The following CADPS2 variants were observed in gnomAD, a reference collection of about 807,000 sequenced individuals.
The protein encoded by CADPS2 is calcium dependent secretion activator 2, also known as calcium-dependent secretion activator 2.
Under a neutral mutation model 172.5 loss-of-function variants are expected in CADPS2, and 93 were observed. That is an observed-to-expected ratio of 0.54 (90% CI 0.46 to 0.64). The LOEUF is 0.64. CADPS2 is among the 30% of genes least tolerant of loss of function. The pLI, the probability that CADPS2 is intolerant of heterozygous loss-of-function variation, is 0.00. For missense variants in CADPS2, 1,420 were observed against 1,565.9 expected, an observed-to-expected ratio of 0.91 and a Z score of 1.57; for synonymous variants, 546 against 555.2, an observed-to-expected ratio of 0.98 and a Z score of 0.23.
chr7:122,582,017 C>T (rs1173513226), intron 6 of CADPS2, among the ~76,000 whole-genome samples: 1 of 152,066 alleles, frequency 6.6e-6, no homozygotes, highest in African/African-American at 2.4e-5. Flanking sequence ...AACTGGCACA[C>T]ACCTGATATT....
At chr7:122,847,278 G>A (rs1812248270) in intron 1 of CADPS2, among the ~76,000 whole-genome samples, 1 of 152,170 alleles carries the variant, frequency 6.6e-6, no homozygotes, top group Admixed American at 6.5e-5. Flanking sequence ...CTAGAGACAG[G>A]GTTTTGCCAT....
intron 25 of CADPS2, among the ~76,000 whole-genome samples, chr7:122,370,497 C>T (rs1167440853): frequency 6.6e-6 from 1 of 152,186 alleles, no homozygotes; most frequent in African/African-American, 2.4e-5. Context: ...TGCCAGAGCA[C>T]ATTCCTTTAG....
intron 11 of CADPS2, among the ~76,000 whole-genome samples, chr7:122,488,435 T>C (rs755866070): frequency 1.3e-5 from 2 of 152,214 alleles, no homozygotes; most frequent in Non-Finnish European, 2.9e-5. Context: ...ACCCAACAAG[T>C]TACTATGTAC....
intron 1 of CADPS2, among the ~76,000 whole-genome samples, chr7:122,737,827 C>G (rs944264940): frequency 1.3e-5 from 2 of 152,002 alleles, no homozygotes; most frequent in Non-Finnish European, 2.9e-5. Flanking sequence ...GGAGGGATGC[C>G]TTGGACAAGA....
intron 2 of CADPS2, among the ~76,000 whole-genome samples, chr7:122,708,942 G>C (rs1008902813): frequency 5.3e-5 from 8 of 151,918 alleles, no homozygotes; most frequent in Non-Finnish European, 8.8e-5. Flanking sequence ...TTTGGCCGTA[G>C]TATAATTATT....
At chr7:122,627,033 C>G (rs1245808073) in intron 4 of CADPS2, among the ~76,000 whole-genome samples, 3 of 152,032 alleles carry the variant, frequency 2.0e-5, no homozygotes. Context: ...TGAATGCCAA[C>G]TAATAGCTGT....
At chr7:122,575,253 C>T (rs1467127130) in intron 7 of CADPS2, among the ~76,000 whole-genome samples, 1 of 151,592 alleles carries the variant, frequency 6.6e-6, no homozygotes, top group Non-Finnish European at 1.5e-5. Context: ...AATGTATGAT[C>T]CTGGATTCTA....
At chr7:122,467,910 G>C (rs2055375722) in intron 14 of CADPS2, among the ~76,000 whole-genome samples, 1 of 152,136 alleles carries the variant, frequency 6.6e-6, no homozygotes, top group East Asian at 1.9e-4. Context: ...CTATCATCCT[G>C]CATGAGTGGG....
chr7:122,637,171 C>CTTTTTTTTTTT (rs71161313), intron 3 of CADPS2, among the ~76,000 whole-genome samples: 1 of 53,900 alleles, frequency 1.9e-5, no homozygotes, highest in African/African-American at 7.3e-5. Flanking sequence ...TGAAATTTTG[C>CTTTTTTTTTTT]TTTTTTTTTT....
intron 17 of CADPS2, among the ~76,000 whole-genome samples, chr7:122,430,342 T>C (rs1219811603): frequency 2.0e-5 from 3 of 152,220 alleles, no homozygotes; most frequent in African/African-American, 7.2e-5. Context: ...CACAATATGC[T>C]ATATAATTTT....
At chr7:122,386,948 A>G (rs752801002) in intron 24 of CADPS2, 78 bp downstream of exon 24, 50 of 1,436,994 alleles carry the variant, frequency 3.5e-5, no homozygotes, top group Non-Finnish European at 4.6e-5. Context: ...TCCAATCAAG[A>G]GAATGCCTTG....
chr7:122,625,783 C>CCACA (rs373750217), intron 4 of CADPS2, among the ~76,000 whole-genome samples: 7 of 151,472 alleles, frequency 4.6e-5, no homozygotes, highest in African/African-American at 1.7e-4. Context: ...CCCTGCCCTC[C>CCACA]CACACACACA....
chr7:122,729,608 T>G (rs549941778), intron 2 of CADPS2, among the ~76,000 whole-genome samples: 1 of 151,508 alleles, frequency 6.6e-6, no homozygotes, highest in African/African-American at 2.4e-5. Flanking sequence ...TTTTTTCATA[T>G]ACATGTTGGC....
intron 1 of CADPS2, among the ~76,000 whole-genome samples, chr7:122,869,474 C>T (rs1819190344): frequency 6.6e-6 from 1 of 151,870 alleles, no homozygotes. Context: ...TAGTATTATA[C>T]CCAGCAAACC....
At chr7:122,435,093 C>T (rs974042052) in intron 17 of CADPS2, among the ~76,000 whole-genome samples, 5 of 152,070 alleles carry the variant, frequency 3.3e-5, no homozygotes, top group African/African-American at 1.2e-4. Context: ...CTGACAAAAT[C>T]AAAGCATTTT....
chr7:122,474,437 T>C lies in CADPS2; in HGVS notation c.1942A>G (p.Arg648Gly), dbSNP rs2056383987. ...PCKLDHAFLFRILQRQTLDHR... is the reference protein window; with the variant it reads ...PCKLDHAFLFGILQRQTLDHR... ...TCCAAAGTCTGCCTCTGGAGTATTC[T>C]AAAAAGGAAGGCATGATCAAGCTTG... The change falls in exon 13 of 30, where the codon AGA (arginine) becomes GGA (glycine). Residue 648 changes from arginine to glycine, a missense_variant. Transcript: ENST00000449022. The C allele has an allele frequency of 6.2e-7, 1 of 1,613,336 alleles. No individual in the cohort carries two copies. The highest frequency in any genetic ancestry group is 8.5e-7 in the Non-Finnish European group (1 of 1,179,652).
chr7:122,885,623 A>C (rs1345205272), intron 1 of CADPS2, among the ~76,000 whole-genome samples: 1 of 152,110 alleles, frequency 6.6e-6, no homozygotes, highest in African/African-American at 2.4e-5. Flanking sequence ...TAGCAATATC[A>C]CGCCAGGCTA....
intron 14 of CADPS2, among the ~76,000 whole-genome samples, chr7:122,468,984 G>A (rs1286906770): frequency 6.6e-6 from 1 of 152,282 alleles, no homozygotes; most frequent in African/African-American, 2.4e-5. Context: ...ATACCTGAAT[G>A]TGTACACAGT....
intron 9 of CADPS2, among the ~76,000 whole-genome samples, chr7:122,499,009 T>G (rs1409703913): frequency 6.6e-6 from 1 of 152,210 alleles, no homozygotes; most frequent in African/African-American, 2.4e-5. Context: ...TCCATGGTCA[T>G]CACCAATCCA....
Sources: gnomAD v4.1 joint callset for allele counts (sites outside exome capture counted in the v4.1 genomes callset) on GRCh38, gnomAD v4.1.1 for gene constraint, MANE v1.5 for transcripts, NCBI Gene and HGNC (gene_info 2026-07-23, HGNC 2026-07-21) for gene names.